The following GFRA1 variants were observed in gnomAD, a reference collection of about 807,000 sequenced individuals.
The protein encoded by GFRA1 is GDNF family receptor alpha-1.
A neutral mutation model predicts 51.6 loss-of-function variants in GFRA1; 16 were observed. The observed-to-expected ratio is 0.31, with a 90% CI of 0.21 to 0.47. The LOEUF is 0.47. GFRA1 is among the 20% of genes least tolerant of loss of function. GFRA1 has a pLI of 1.00. For missense variants in GFRA1, 530 were observed against 594.3 expected (o/e 0.89, Z 1.13); for synonymous variants, 270 against 241.3 (o/e 1.12, Z -1.10).
At chr10:116,129,838 G>A (rs1958031898) in intron 5 of GFRA1, among the ~76,000 whole-genome samples, 1 of 151,890 alleles carries the variant, frequency 6.6e-6, no homozygotes, top group East Asian at 1.9e-4. Flanking sequence ...AATGTGTAGT[G>A]ATCAAGTCAG....
intron 5 of GFRA1, among the ~76,000 whole-genome samples, chr10:116,150,897 AG>A (rs1959035930): frequency 6.6e-6 from 1 of 152,234 alleles, no homozygotes; most frequent in Non-Finnish European, 1.5e-5. Flanking sequence ...AAATAACTCC[AG>A]GAACAGTTTT....
chr10:116,092,078 G>T (rs1039411920), intron 8 of GFRA1, among the ~76,000 whole-genome samples: 7 of 125,250 alleles, frequency 5.6e-5, no homozygotes, highest in African/African-American at 1.4e-4. Context: ...TGAAAAAGAG[G>T]AAATATACAT....
At position 116,161,699 on chromosome 10, in the gene GFRA1, T is replaced by C. The variant is rs372278729; in HGVS notation, c.434-36142A>G. 3.0e-4 allele frequency among the ~76,000 whole-genome samples: 45 copies of C among 152,364 alleles called. 1 individual carries two copies. The East Asian group carries it at 5.8e-3, about 20-fold the overall frequency. On this transcript the variant is annotated intron_variant, in intron 5 of 10. Transcript: ENST00000355422. ...GCACAAGTTCTCTTGCTTGCCGCCA[T>C]GGAAGACGTCCCTTTGTTCTTCCTT...
intron 5 of GFRA1, among the ~76,000 whole-genome samples, chr10:116,145,724 C>T (rs1181644128): frequency 6.6e-6 from 1 of 152,158 alleles, no homozygotes; most frequent in East Asian, 1.9e-4. Context: ...CTATAGAGAA[C>T]TTCTCACACA....
chr10:116,115,607 C>T (rs1436027850), intron 6 of GFRA1, among the ~76,000 whole-genome samples: 1 of 152,188 alleles, frequency 6.6e-6, no homozygotes, highest in Non-Finnish European at 1.5e-5. Flanking sequence ...CAGATTTCCC[C>T]ACGCGAAGAT....
chr10:116,117,557 G>GTGGA (rs75233028), intron 6 of GFRA1, among the ~76,000 whole-genome samples: 2,209 of 97,356 alleles, frequency 0.023, 100 homozygotes, highest in African/African-American at 0.081. Context: ...GGGTGGGTGT[G>GTGGA]TGGATGGATG....
intron 4 of GFRA1, among the ~76,000 whole-genome samples, chr10:116,212,523 AACAC>A (rs71010072): frequency 0.029 from 4,122 of 142,642 alleles, 141 homozygotes; most frequent in African/African-American, 0.085. Context: ...TCCGTCTCAA[AACAC>A]ACACACACAC....
At chr10:116,191,065 C>T (rs1676936390) in intron 5 of GFRA1, among the ~76,000 whole-genome samples, 1 of 152,124 alleles carries the variant, frequency 6.6e-6, no homozygotes, top group Non-Finnish European at 1.5e-5. Context: ...AGTTTGGTAT[C>T]AATGCAATAA....
At chr10:116,215,981 G>C (rs1965534383) in intron 4 of GFRA1, among the ~76,000 whole-genome samples, 1 of 152,104 alleles carries the variant, frequency 6.6e-6, no homozygotes, top group South Asian at 2.1e-4. Context: ...AAATAAGAAA[G>C]AAGGAACTCA....
At chr10:116,088,339 G>A (rs914843829) in intron 9 of GFRA1, among the ~76,000 whole-genome samples, 6 of 152,074 alleles carry the variant, frequency 3.9e-5, no homozygotes, top group Admixed American at 2.0e-4. Context: ...AGCATGAGGC[G>A]ACAGCACAGT....
At chr10:116,180,484 G>C (rs140642021) in intron 5 of GFRA1, among the ~76,000 whole-genome samples, 2,205 of 152,200 alleles carry the variant, frequency 0.014, 21 homozygotes, top group Middle Eastern at 0.054. Flanking sequence ...AAATAAAAAG[G>C]ATGGTAACAG....
At chr10:116,161,492 T>G (rs1959788315) in intron 5 of GFRA1, among the ~76,000 whole-genome samples, 2 of 152,166 alleles carry the variant, frequency 1.3e-5, no homozygotes, top group African/African-American at 4.8e-5. Context: ...ATGTATACCC[T>G]ATTGATATGG....
At chr10:116,178,056 GT>G (rs1961805982) in intron 5 of GFRA1, among the ~76,000 whole-genome samples, 1 of 152,186 alleles carries the variant, frequency 6.6e-6, no homozygotes, top group Admixed American at 6.5e-5. Flanking sequence ...AGTATGCGCA[GT>G]TGACATATAA....
rs1314043017 is a variant in GFRA1, at chr10:116,060,442, C to T, written c.*3956G>A. On this transcript the variant is annotated 3_prime_UTR_variant, in exon 11 of 11. Coordinates refer to ENST00000355422, the MANE Select transcript of GFRA1 (RefSeq NM_005264.8). The stretch of plus-strand genomic sequence containing the variant: ...CTCTGGCTGTTTCGTTAGAAGGTCC[C>T]TGTTCTGATCAGTAAGGAACATCAG... 6 of 152,210 alleles carry T rather than the reference C, an allele frequency of 3.9e-5. No homozygotes were observed. The highest frequency in any genetic ancestry group is 4.4e-5 in the Non-Finnish European group (3 of 68,064). 9.4% of individuals were successfully genotyped at this position (152,210 alleles called of 1,614,324 possible). A position where few individuals can be genotyped will look rare whatever the true frequency, so the allele number is the denominator to read the frequency against.
chr10:116,203,612 A>C (rs546393326), intron 5 of GFRA1, among the ~76,000 whole-genome samples: 194 of 152,320 alleles, frequency 1.3e-3, no homozygotes, highest in African/African-American at 4.4e-3. Flanking sequence ...AAACATGCTC[A>C]ACCATTCATG....
intron 6 of GFRA1, among the ~76,000 whole-genome samples, chr10:116,104,305 C>T (rs1369843663): frequency 2.0e-5 from 3 of 152,228 alleles, no homozygotes; most frequent in African/African-American, 7.2e-5. Flanking sequence ...CAGATCATTT[C>T]CTGCTCCCCT....
chr10:116,070,759 CTTTTTTTTTTT>C (rs773344299), intron 9 of GFRA1, among the ~76,000 whole-genome samples: 9 of 97,750 alleles, frequency 9.2e-5, no homozygotes, highest in Non-Finnish European at 1.2e-4. Context: ...AGTCTGGAGC[CTTTTTTTTTTT>C]TTTTTTTTTT....
At chr10:116,148,023 C>CGCATGCATGTGTGCATGTGCGTGTGT (rs1336171898) in intron 5 of GFRA1, among the ~76,000 whole-genome samples, 148 of 136,918 alleles carry the variant, frequency 1.1e-3, no homozygotes, top group South Asian at 2.2e-3. Context: ...CGTGTGTGCG[C>CGCATGCATGTGTGCATGTGCGTGTGT]GCATGCATGT....
chr10:116,072,684 C>A (rs1411510569), intron 9 of GFRA1, among the ~76,000 whole-genome samples: 2 of 152,104 alleles, frequency 1.3e-5, no homozygotes, highest in African/African-American at 4.8e-5. Flanking sequence ...TTGCTTGAAC[C>A]CGGGAGGGGG....
Sources: gnomAD v4.1 joint callset for allele counts (sites outside exome capture counted in the v4.1 genomes callset) on GRCh38, gnomAD v4.1.1 for gene constraint, MANE v1.5 for transcripts, NCBI Gene and HGNC (gene_info 2026-07-23, HGNC 2026-07-21) for gene names.